PCDHA4: variants seen among roughly 807,000 people sequenced by gnomAD.
The protein encoded by PCDHA4 is protocadherin alpha-4.
Under a neutral mutation model 61.4 loss-of-function variants are expected in PCDHA4, and 49 were observed. That is an observed-to-expected ratio of 0.80 (90% confidence interval 0.63 to 1.01). PCDHA4 has a LOEUF of 1.01. PCDHA4 is among the 50% of genes least tolerant of loss of function. The pLI, the probability that PCDHA4 is intolerant of heterozygous loss-of-function variation, is 0.00. For synonymous variants in PCDHA4, 590 were observed against 550.3 expected, an observed-to-expected ratio of 1.07 and a Z score of -1.01; for missense variants, 1,254 against 1,235.8, an observed-to-expected ratio of 1.01 and a Z score of -0.22.
intron 1 of PCDHA4, among the ~76,000 whole-genome samples, chr5:140,880,783 G>A (rs1296382612): frequency 6.6e-6 from 1 of 152,154 alleles, no homozygotes; most frequent in Non-Finnish European, 1.5e-5. Flanking sequence ...GAATGTTAGA[G>A]GAGTAATATA....
rs535622037 is a variant in PCDHA4 at position 140,926,265 on chromosome 5, G to T, written c.2386-52684G>T. The T allele has an allele frequency of 8.1e-3, 1,228 of 152,360 alleles. 6 individuals carry two copies. The highest frequency in any genetic ancestry group is 0.019 in the African/African-American group (792 of 41,548). 9.4% of individuals were successfully genotyped at this position (152,360 alleles called of 1,614,324 possible). ...CACGTTCACCGTCCCGCCTCTCGCC[G>T]CCTCCGCTCGGCAGCTCCACGCTGA... is the stretch of plus-strand genomic sequence containing the variant. On this transcript the variant is annotated intron_variant, in intron 1 of 3. Transcript: ENST00000530339.
rs782448071 is a variant in PCDHA4 at position 140,858,265 on chromosome 5, C to T, written c.2385+48693C>T. The T allele has an allele frequency of 4.1e-5, 66 of 1,597,068 alleles. 7 individuals carry two copies. Among genetic ancestry groups the T allele is most frequent in the Non-Finnish European group, 5.4e-5 (63 of 1,166,972 alleles). ...GGCCGGTGAAGCCCACGCTGGTGTG[C>T]TCTAGCGCGGTGGGGAGCTGGTCTT... On this transcript the variant is annotated intron_variant, in intron 1 of 3. Coordinates refer to ENST00000530339, the MANE Select transcript of PCDHA4 (RefSeq NM_018907.4).
intron 1 of PCDHA4, among the ~76,000 whole-genome samples, chr5:140,977,826 T>C (rs1554238818): frequency 1.3e-5 from 2 of 152,208 alleles, no homozygotes; most frequent in Admixed American, 6.5e-5. Flanking sequence ...TTTTGAATGG[T>C]CTATTGATAT....
At chr5:140,959,090 G>A (rs797041561) in intron 1 of PCDHA4, among the ~76,000 whole-genome samples, 2 of 151,986 alleles carry the variant, frequency 1.3e-5, no homozygotes, top group African/African-American at 2.4e-5. Flanking sequence ...CCTTGGTTTC[G>A]GACATTCAGC....
intron 3 of PCDHA4, among the ~76,000 whole-genome samples, chr5:141,006,017 G>A (rs139294218): frequency 1.3e-5 from 2 of 151,190 alleles, no homozygotes; most frequent in African/African-American, 4.8e-5. Context: ...TATGGTTGGA[G>A]TATAATAGTA....
intron 1 of PCDHA4, chr5:140,867,194 C>T (rs185502341): frequency 1.6e-3 from 248 of 152,260 alleles, no homozygotes; most frequent in African/African-American, 5.7e-3. Context: ...CAAGACTCCA[C>T]ATTCCATGTA....
At chr5:140,990,628 G>A (rs1380038956) in intron 3 of PCDHA4, among the ~76,000 whole-genome samples, 1 of 152,154 alleles carries the variant, frequency 6.6e-6, no homozygotes, top group African/African-American at 2.4e-5. Flanking sequence ...TCTGTGGTAA[G>A]ACTAGAAGCC....
At chr5:140,956,085 A>T (rs1338013265) in intron 1 of PCDHA4, among the ~76,000 whole-genome samples, 1 of 152,214 alleles carries the variant, frequency 6.6e-6, no homozygotes, top group Admixed American at 6.5e-5. Context: ...GGATCATGTC[A>T]TCTGCAAACA....
chr5:140,907,439 A>T (rs1217956706), intron 1 of PCDHA4, among the ~76,000 whole-genome samples: 1 of 152,250 alleles, frequency 6.6e-6, no homozygotes, highest in Non-Finnish European at 1.5e-5. Flanking sequence ...CTGTGAGTCC[A>T]CAGATGGTAA....
chr5:140,850,493 G>T, intron 1 of PCDHA4: 4 of 1,598,102 alleles, frequency 2.5e-6, no homozygotes, highest in African/African-American at 1.3e-5. Flanking sequence ...CCACTGTGCT[G>T]GTGTCGCTGG....
chr5:140,986,638 G>A (rs185773882), intron 3 of PCDHA4, among the ~76,000 whole-genome samples: 18 of 152,282 alleles, frequency 1.2e-4, no homozygotes, highest in Non-Finnish European at 2.6e-4. Flanking sequence ...CAGTACATTA[G>A]TTTTAGAGTG....
intron 1 of PCDHA4, chr5:140,859,802 T>G (rs1318090519): frequency 6.6e-6 from 1 of 152,544 alleles, no homozygotes; most frequent in Non-Finnish European, 1.5e-5. Flanking sequence ...TTATAGATGC[T>G]AAGTTAATGC....
intron 1 of PCDHA4, chr5:140,929,026 G>A: frequency 1.2e-6 from 2 of 1,614,176 alleles, no homozygotes; most frequent in Non-Finnish European, 1.7e-6. Context: ...CCAGAGCCCA[G>A]GCTGTTGCGC....
intron 1 of PCDHA4, chr5:140,834,595 G>T: frequency 6.2e-7 from 1 of 1,614,156 alleles, no homozygotes; most frequent in Non-Finnish European, 8.5e-7. Context: ...TGCAAATTCC[G>T]TGGGGATCTT....
chr5:140,835,925 C>T lies in PCDHA4; in HGVS notation c.2385+26353C>T, dbSNP rs2150248432. On this transcript the variant is annotated intron_variant, in intron 1 of 3. Transcript: ENST00000530339. ...GCTACGTGTCAGTGCACGCGGAGAG[C>T]GGCAAGGTGTACGCGCTGCAGCCGT... 5 of 1,612,352 alleles carry T rather than the reference C, an allele frequency of 3.1e-6. No individual in the cohort carries two copies. The South Asian group carries it at 5.5e-5, about 18-fold the overall frequency.
intron 1 of PCDHA4, among the ~76,000 whole-genome samples, chr5:140,821,045 G>C (rs1445843647): frequency 1.3e-5 from 2 of 151,900 alleles, no homozygotes; most frequent in African/African-American, 4.8e-5. Context: ...AGAAACTCAG[G>C]TAAGAATGCC....
At chr5:140,829,585 G>C in intron 1 of PCDHA4, 2 of 1,612,244 alleles carry the variant, frequency 1.2e-6, no homozygotes, top group Non-Finnish European at 8.5e-7. Flanking sequence ...TGGAGCGGCG[G>C]GTGGGCGAGC....
intron 1 of PCDHA4, among the ~76,000 whole-genome samples, chr5:140,958,627 T>C (rs1183042351): frequency 6.6e-6 from 1 of 152,128 alleles, no homozygotes; most frequent in African/African-American, 2.4e-5. Flanking sequence ...AGCTTGAGAG[T>C]ACTGCAGAAA....
chr5:140,870,478 T>C (rs782114058), intron 1 of PCDHA4: 1 of 1,614,112 alleles, frequency 6.2e-7, no homozygotes, highest in Admixed American at 1.7e-5. Flanking sequence ...ACAGCCCGAG[T>C]ACACCGTGTT....
Sources: gnomAD v4.1 joint callset for allele counts (sites outside exome capture counted in the v4.1 genomes callset) on GRCh38, gnomAD v4.1.1 for gene constraint, MANE v1.5 for transcripts, NCBI Gene and HGNC (gene_info 2026-07-23, HGNC 2026-07-21) for gene names.